The following RXFP1 variants were observed in gnomAD, a reference collection of about 807,000 sequenced individuals.
RXFP1 encodes the protein relaxin family peptide receptor 1, also known as relaxin receptor 1.
In RXFP1, 73 loss-of-function variants were observed where a neutral mutation model predicts 89.8. The ratio of observed to expected loss-of-function variants is 0.81; its 90% CI spans 0.67 to 0.99. The LOEUF (loss-of-function observed/expected upper bound fraction) is 0.99, where lower values mean the gene tolerates loss of function less well. RXFP1 is among the 50% of genes least tolerant of loss of function. The pLI is 0.00. For synonymous variants in RXFP1, 277 were observed against 305.5 expected, an observed-to-expected ratio of 0.91 and a Z score of 0.97; for missense variants, 793 against 895.5, an observed-to-expected ratio of 0.89 and a Z score of 1.46.
intron 1 of RXFP1, among the ~76,000 whole-genome samples, chr4:158,534,370 C>G (rs762676222): frequency 1.3e-5 from 2 of 151,864 alleles, no homozygotes; most frequent in African/African-American, 2.4e-5. Context: ...GCCTCAGCCT[C>G]CCGAGTAACT....
chr4:158,576,186 C>G (rs1756158596), intron 2 of RXFP1, among the ~76,000 whole-genome samples: 1 of 152,170 alleles, frequency 6.6e-6, no homozygotes, highest in African/African-American at 2.4e-5. Flanking sequence ...ACATAACTTT[C>G]TTGAAATTCA....
intron 14 of RXFP1, among the ~76,000 whole-genome samples, chr4:158,642,622 CT>C (rs1209885850): frequency 6.6e-6 from 1 of 152,116 alleles, no homozygotes; most frequent in East Asian, 1.9e-4. Context: ...GAATTTCATT[CT>C]TTTTTTATAG....
chr4:158,576,097 C>G (rs1756135334), intron 2 of RXFP1, among the ~76,000 whole-genome samples: 1 of 152,186 alleles, frequency 6.6e-6, no homozygotes, highest in Non-Finnish European at 1.5e-5. Context: ...TGGGAAAGAT[C>G]ATAATTCACT....
chr4:158,540,761 C>T (rs1045890648), intron 1 of RXFP1, among the ~76,000 whole-genome samples: 3 of 152,060 alleles, frequency 2.0e-5, no homozygotes, highest in African/African-American at 4.8e-5. Flanking sequence ...CCTCCCTGCC[C>T]CGCAGCAGCC....
chr4:158,580,697 T>C (rs1757178632), intron 2 of RXFP1, among the ~76,000 whole-genome samples: 1 of 152,200 alleles, frequency 6.6e-6, no homozygotes, highest in South Asian at 2.1e-4. Flanking sequence ...GCGGACTTTG[T>C]TGTCTGTTAG....
chr4:158,535,737 G>A (rs563162065), intron 1 of RXFP1, among the ~76,000 whole-genome samples: 22 of 152,248 alleles, frequency 1.4e-4, no homozygotes, highest in Admixed American at 9.2e-4. Flanking sequence ...ACACACTACA[G>A]AATGTTTGTT....
rs183722695 is a variant in RXFP1 at position 158,636,426 on chromosome 4, C to T, written c.972-1582C>T. Reference sequence around the variant, plus strand: ...GAAGTAGATGCGGCTCTTTCTCAGTCCCCTACCACTTCTCTGGTGGCAGCC... The same window carrying T: ...GAAGTAGATGCGGCTCTTTCTCAGTTCCCTACCACTTCTCTGGTGGCAGCC... On this transcript the variant is annotated intron_variant, in intron 12 of 17. Transcript: ENST00000307765. Among the ~76,000 whole-genome samples, 9 of 152,252 alleles carry T rather than the reference C, an allele frequency of 5.9e-5. No individual in the cohort carries two copies. In the East Asian group the frequency reaches 1.7e-3, roughly 29 times the overall value.
At chr4:158,564,326 G>C (rs1393292150) in intron 1 of RXFP1, among the ~76,000 whole-genome samples, 2 of 152,264 alleles carry the variant, frequency 1.3e-5, no homozygotes, top group East Asian at 3.9e-4. Flanking sequence ...AATCCCTACT[G>C]TCTTATAAGC....
chr4:158,578,375 C>T (rs756182308), intron 2 of RXFP1, among the ~76,000 whole-genome samples: 94 of 152,120 alleles, frequency 6.2e-4, no homozygotes, highest in Middle Eastern at 6.3e-3. Flanking sequence ...AAAGGAGGGA[C>T]CTTTCAGTTT....
At position 158,652,125 on chromosome 4, in the gene RXFP1, A is replaced by G; in HGVS notation, c.*70A>G. 8.0e-7 allele frequency: 1 copy of G among 1,246,684 alleles called. No homozygotes were observed. The highest frequency in any genetic ancestry group is 1.1e-6 in the Non-Finnish European group (1 of 900,738). 77.2% of individuals were successfully genotyped at this position (1,246,684 alleles called of 1,614,324 possible). ...CTTCATGAGGGATTTACTGGTATGA[A>G]ATGAATACCACAAAATTAATTTATA... On this transcript the variant is annotated 3_prime_UTR_variant, in exon 18 of 18. Transcript: ENST00000307765.
chr4:158,544,447 T>G (rs888198628), intron 1 of RXFP1: 1 of 526,562 alleles, frequency 1.9e-6, no homozygotes, highest in African/African-American at 2.0e-5. Context: ...TTTTTTTTTT[T>G]AATTTTATTT....
intron 5 of RXFP1, among the ~76,000 whole-genome samples, chr4:158,607,295 A>G (rs1291414558): frequency 6.6e-6 from 1 of 151,724 alleles, no homozygotes; most frequent in Non-Finnish European, 1.5e-5. Flanking sequence ...TTCCAATCTA[A>G]TTTATATTCT....
At chr4:158,615,050 A>G (rs1215662674) in intron 8 of RXFP1, among the ~76,000 whole-genome samples, 2 of 152,072 alleles carry the variant, frequency 1.3e-5, no homozygotes, top group African/African-American at 2.4e-5. Context: ...TAGATTTAAC[A>G]TAATTCTTGA....
chr4:158,567,479 C>T (rs1438794163), intron 1 of RXFP1, among the ~76,000 whole-genome samples: 1 of 152,144 alleles, frequency 6.6e-6, no homozygotes, highest in African/African-American at 2.4e-5. Flanking sequence ...CACCCTGTGT[C>T]TAGCTCAGGG....
At chr4:158,634,335 G>T (rs776161251) in intron 12 of RXFP1, among the ~76,000 whole-genome samples, 1 of 152,080 alleles carries the variant, frequency 6.6e-6, no homozygotes, top group Non-Finnish European at 1.5e-5. Flanking sequence ...AGAAAAATCT[G>T]TTCAAGTCAT....
At chr4:158,597,585 G>A (rs898538754) in intron 3 of RXFP1, among the ~76,000 whole-genome samples, 22 of 152,036 alleles carry the variant, frequency 1.4e-4, no homozygotes, top group Non-Finnish European at 2.9e-5. Context: ...TATTTTGTAA[G>A]TGACATAATT....
chr4:158,599,159 C>A, intron 3 of RXFP1, 167 bp from the exon 4 acceptor site: 3 of 1,051,004 alleles, frequency 2.9e-6, no homozygotes, highest in Non-Finnish European at 2.7e-6. Flanking sequence ...AAATTAAAAG[C>A]AAACTTTGGA....
At chr4:158,648,369 C>T (rs1771976402) in intron 16 of RXFP1, 130 bp from the exon 17 acceptor site, 2 of 569,620 alleles carry the variant, frequency 3.5e-6, no homozygotes, top group East Asian at 6.5e-5. Context: ...AAAAAACCCA[C>T]ACATTATAGT....
intron 1 of RXFP1, among the ~76,000 whole-genome samples, chr4:158,561,185 T>C (rs140175809): frequency 2.2e-3 from 330 of 152,324 alleles, no homozygotes; most frequent in Middle Eastern, 6.8e-3. Flanking sequence ...CCAGTCTCAT[T>C]CAAGACAAAG....
Sources: allele counts gnomAD v4.1 joint callset (sites outside exome capture counted in the v4.1 genomes callset), GRCh38; gene constraint gnomAD v4.1.1; transcripts MANE v1.5; gene names NCBI Gene and HGNC (gene_info 2026-07-23, HGNC 2026-07-21).